The following GPHN variants were observed in gnomAD, a reference collection of about 807,000 sequenced individuals.
GPHN encodes the protein gephyrin.
GPHN carries 17 observed loss-of-function variants against 95.5 expected under a neutral mutation model. That is an observed-to-expected ratio of 0.18 (90% confidence interval 0.12 to 0.27). GPHN has a LOEUF of 0.27. GPHN is among the 10% of genes least tolerant of loss of function. The pLI is 1.00. For synonymous variants in GPHN, 320 were observed against 322.5 expected (o/e 0.99, Z 0.08); for missense variants, 660 against 978.1 (o/e 0.67, Z 4.34).
intron 1 of GPHN, among the ~76,000 whole-genome samples, chr14:66,571,669 G>C (rs541816415): frequency 3.4e-4 from 51 of 152,188 alleles, no homozygotes; most frequent in Non-Finnish European, 3.4e-4. Context: ...AAATTAGCCA[G>C]GCGTGGTGGC....
At chr14:66,545,509 A>G (rs12890041) in intron 1 of GPHN, among the ~76,000 whole-genome samples, 3,634 of 24,236 alleles carry the variant, frequency 0.15, 63 homozygotes, top group African/African-American at 0.33. Context: ...CCGGGCGGGG[A>G]GCTGACCCCC....
At chr14:67,264,639 G>T in the GPHN span, among the ~76,000 whole-genome samples, 1 of 152,090 alleles carries the variant, frequency 6.6e-6, no homozygotes, top group African/African-American at 2.4e-5. Flanking sequence ...ATTTGTAAAT[G>T]AATATTTTAG....
the GPHN span, among the ~76,000 whole-genome samples, chr14:67,355,125 C>A: frequency 1.3e-5 from 2 of 151,992 alleles, no homozygotes; most frequent in African/African-American, 2.4e-5. Flanking sequence ...ATTTTTTATA[C>A]CACAATAATT....
At chr14:66,748,560 A>G (rs1321975104) in intron 2 of GPHN, among the ~76,000 whole-genome samples, 2 of 151,952 alleles carry the variant, frequency 1.3e-5, no homozygotes, top group East Asian at 3.9e-4. Flanking sequence ...AGTAGGATTC[A>G]CTGTTGGTGT....
the GPHN span, among the ~76,000 whole-genome samples, chr14:67,477,873 C>T: frequency 6.6e-6 from 1 of 152,176 alleles, no homozygotes; most frequent in African/African-American, 2.4e-5. Flanking sequence ...CAGTTAGAAC[C>T]AGCGGTCTCA....
the GPHN span, among the ~76,000 whole-genome samples, chr14:67,265,748 T>A: frequency 6.6e-6 from 1 of 150,472 alleles, no homozygotes; most frequent in African/African-American, 2.5e-5. Context: ...TCCCAGCTGC[T>A]CTGGAGGCTG....
chr14:66,771,177 C>A (rs114457243), intron 2 of GPHN, among the ~76,000 whole-genome samples: 1 of 152,118 alleles, frequency 6.6e-6, no homozygotes, highest in African/African-American at 2.4e-5. Flanking sequence ...TCAGTTGTCA[C>A]TTCTTTCTAT....
chr14:66,786,243 G>A (rs2059770078), intron 3 of GPHN, among the ~76,000 whole-genome samples: 1 of 151,886 alleles, frequency 6.6e-6, no homozygotes, highest in African/African-American at 2.4e-5. Context: ...AGGATAATTA[G>A]GTAATACTAT....
chr14:67,528,154 T>G, the GPHN span, among the ~76,000 whole-genome samples: 45 of 152,324 alleles, frequency 3.0e-4, no homozygotes, highest in East Asian at 7.9e-3. Flanking sequence ...TCTCTTGGCT[T>G]GGGTCTGTCT....
the GPHN span, among the ~76,000 whole-genome samples, chr14:67,718,207 T>C: frequency 6.6e-6 from 1 of 152,076 alleles, no homozygotes; most frequent in African/African-American, 2.4e-5. Context: ...CTTAGGGAAG[T>C]TGGGCAGGGC....
At chr14:67,361,474 C>A in the GPHN span, among the ~76,000 whole-genome samples, 4 of 152,324 alleles carry the variant, frequency 2.6e-5, no homozygotes, top group Admixed American at 2.0e-4. Flanking sequence ...TGTAGCACTC[C>A]TATACCAAGA....
intron 1 of GPHN, among the ~76,000 whole-genome samples, chr14:66,586,709 A>G (rs1457706751): frequency 6.6e-6 from 1 of 152,228 alleles, no homozygotes; most frequent in Non-Finnish European, 1.5e-5. Flanking sequence ...AATATTGAAT[A>G]TTGGCCCCCA....
At chr14:67,257,556 C>T in the GPHN span, among the ~76,000 whole-genome samples, 1 of 151,468 alleles carries the variant, frequency 6.6e-6, no homozygotes, top group Non-Finnish European at 1.5e-5. Context: ...CTATGAGAGA[C>T]AGCTAAATAT....
chr14:67,379,067 T>G, the GPHN span, among the ~76,000 whole-genome samples: 1 of 152,246 alleles, frequency 6.6e-6, no homozygotes, highest in Non-Finnish European at 1.5e-5. Context: ...TATTAATCTC[T>G]ATATAGTATT....
the GPHN span, among the ~76,000 whole-genome samples, chr14:67,226,213 A>G: frequency 1.3e-5 from 2 of 151,864 alleles, no homozygotes; most frequent in African/African-American, 4.8e-5. Flanking sequence ...TTTTTTTGAG[A>G]CTGAATCTTG....
chr14:67,615,890 G>T, the GPHN span: 1 of 602,854 alleles, frequency 1.7e-6, no homozygotes. Flanking sequence ...GAATAACACT[G>T]CTGCAGATGA....
At chr14:66,775,856 T>A (rs1403545723) in intron 2 of GPHN, among the ~76,000 whole-genome samples, 1 of 152,174 alleles carries the variant, frequency 6.6e-6, no homozygotes, top group East Asian at 1.9e-4. Context: ...TATCTGTAAC[T>A]CCCGAATTCT....
At chr14:67,569,261 G>T in the GPHN span, 1 of 1,413,218 alleles carries the variant, frequency 7.1e-7, no homozygotes, top group Non-Finnish European at 1.0e-6. Flanking sequence ...CCCAAGGTGG[G>T]CAGGGTGGGC....
At chr14:67,166,962 C>T (rs1051893666) in intron 20 of GPHN, among the ~76,000 whole-genome samples, 5 of 152,208 alleles carry the variant, frequency 3.3e-5, no homozygotes, top group Non-Finnish European at 5.9e-5. Context: ...AGCCACCATG[C>T]GCAGCTTTAC....
Sources: gnomAD v4.1 joint callset for allele counts (sites outside exome capture counted in the v4.1 genomes callset) on GRCh38, gnomAD v4.1.1 for gene constraint, MANE v1.5 for transcripts, NCBI Gene and HGNC (gene_info 2026-07-23, HGNC 2026-07-21) for gene names.